Variants in FLRT2 observed in about 807,000 individuals in gnomAD.
FLRT2 encodes the protein fibronectin leucine rich transmembrane protein 2, also known as leucine-rich repeat transmembrane protein FLRT2.
Under a neutral mutation model 40.0 loss-of-function variants are expected in FLRT2, and 15 were observed. That is an observed-to-expected ratio of 0.38 (90% CI 0.25 to 0.58). The LOEUF is 0.58. Among genes scored for constraint, FLRT2 ranks in the 20% least tolerant of loss-of-function variants. The pLI is 0.71. For synonymous variants in FLRT2, 380 were observed against 336.8 expected (o/e 1.13, Z -1.41); for missense variants, 726 against 840.0 (o/e 0.86, Z 1.68).
At chr14:85,548,553 C>T (rs1468621117) in intron 1 of FLRT2, among the ~76,000 whole-genome samples, 2 of 152,294 alleles carry the variant, frequency 1.3e-5, no homozygotes, top group East Asian at 3.9e-4. Context: ...ATTAATTGTG[C>T]TATAGTTTAT....
chr14:85,616,607 C>G (rs1287340844), intron 1 of FLRT2, among the ~76,000 whole-genome samples: 2 of 152,138 alleles, frequency 1.3e-5, no homozygotes, highest in Non-Finnish European at 2.9e-5. Context: ...ACATTTCTTC[C>G]CTGGCTTGGG....
chr14:85,560,545 C>T (rs1223648163), intron 1 of FLRT2, among the ~76,000 whole-genome samples: 1 of 151,910 alleles, frequency 6.6e-6, no homozygotes, highest in African/African-American at 2.4e-5. Context: ...CGCACCACTG[C>T]ACTCCAGCCT....
intron 1 of FLRT2, among the ~76,000 whole-genome samples, chr14:85,594,422 G>T (rs1204737065): frequency 6.6e-6 from 1 of 152,130 alleles, no homozygotes; most frequent in Non-Finnish European, 1.5e-5. Flanking sequence ...TCCCAGAGAT[G>T]TGTGTGTGCC....
intron 1 of FLRT2, among the ~76,000 whole-genome samples, chr14:85,592,737 C>G (rs1282980671): frequency 1.4e-5 from 2 of 138,232 alleles, no homozygotes; most frequent in African/African-American, 5.6e-5. Flanking sequence ...TGCAGCGAGC[C>G]GAGATCGTCC....
At chr14:85,541,201 C>A (rs947770910) in intron 1 of FLRT2, among the ~76,000 whole-genome samples, 1 of 152,076 alleles carries the variant, frequency 6.6e-6, no homozygotes, top group Non-Finnish European at 1.5e-5. Context: ...GTCTGACTGG[C>A]CTGATCTTCA....
intron 1 of FLRT2, among the ~76,000 whole-genome samples, chr14:85,582,111 T>C (rs1293476794): frequency 6.6e-6 from 1 of 152,094 alleles, no homozygotes; most frequent in African/African-American, 2.4e-5. Flanking sequence ...ATATAGGAGG[T>C]TGAATCCATA....
intron 1 of FLRT2, among the ~76,000 whole-genome samples, chr14:85,620,909 G>A (rs1893350974): frequency 6.6e-6 from 1 of 152,176 alleles, no homozygotes; most frequent in African/African-American, 2.4e-5. Context: ...CAATATGATG[G>A]TTGATAGTGA....
chr14:85,652,576 A>C lies in FLRT2; in HGVS notation c.*29079A>C, dbSNP rs546627003. 3 of 152,278 alleles carry C rather than the reference A, an allele frequency of 2.0e-5. No individual in the cohort carries two copies. Among genetic ancestry groups the C allele is most frequent in the South Asian group, 2.1e-4 (1 of 4,832 alleles). 9.4% of individuals were successfully genotyped at this position (152,278 alleles called of 1,614,324 possible). The stretch of plus-strand genomic sequence containing the variant: ...AAGCCTTTGAATAAAATATTATACA[A>C]CTTTAAATAAATTTAAGATGACATT... On this transcript the variant is annotated 3_prime_UTR_variant, in exon 2 of 2. Transcript: ENST00000330753.
At position 85,646,425 on chromosome 14, in the gene FLRT2, A is replaced by G. The variant is rs1485037414; in HGVS notation, c.*22928A>G. ...GCTCACAGACCAAATTAAGATGCTG[A>G]AGTCAGATGACTTATGAATCAATTT... On this transcript the variant is annotated 3_prime_UTR_variant, in exon 2 of 2. Coordinates refer to ENST00000330753, the MANE Select transcript of FLRT2 (RefSeq NM_013231.6). The G allele has an allele frequency of 6.6e-6, 1 of 152,194 alleles. No homozygotes were observed. Among genetic ancestry groups the G allele is most frequent in the Non-Finnish European group, 1.5e-5 (1 of 68,046 alleles). 9.4% of individuals were successfully genotyped at this position (152,194 alleles called of 1,614,324 possible).
chr14:85,639,180 C>A lies in FLRT2; in HGVS notation c.*15683C>A, dbSNP rs1894084490. The A allele has an allele frequency of 6.6e-6, 1 of 152,148 alleles. No homozygotes were observed. The highest frequency in any genetic ancestry group is 2.4e-5 in the African/African-American group (1 of 41,436). 9.4% of individuals were successfully genotyped at this position (152,148 alleles called of 1,614,324 possible). ...ATACCTGCAGGATCCCACAGGTTTT[C>A]TCAGGGATTTGCTGGAAGCTGGGAA... is the stretch of plus-strand genomic sequence containing the variant. On this transcript the variant is annotated 3_prime_UTR_variant, in exon 2 of 2. Transcript: ENST00000330753.
intron 1 of FLRT2, among the ~76,000 whole-genome samples, chr14:85,583,353 C>A (rs994283178): frequency 6.6e-6 from 1 of 152,108 alleles, no homozygotes; most frequent in African/African-American, 2.4e-5. Flanking sequence ...CAGTCTTAAC[C>A]CATTCAGAAG....
At chr14:85,533,900 C>G (rs1403649125) in intron 1 of FLRT2, among the ~76,000 whole-genome samples, 1 of 152,028 alleles carries the variant, frequency 6.6e-6, no homozygotes, top group African/African-American at 2.4e-5. Flanking sequence ...CGCCGCCACC[C>G]GGAGGACCCA....
chr14:85,563,321 T>C (rs535766388), intron 1 of FLRT2, among the ~76,000 whole-genome samples: 2 of 152,300 alleles, frequency 1.3e-5, no homozygotes, highest in South Asian at 2.1e-4. Flanking sequence ...GTCTATGTTG[T>C]TTAACAAATG....
intron 1 of FLRT2, among the ~76,000 whole-genome samples, chr14:85,616,301 C>G (rs1893127900): frequency 7.0e-6 from 1 of 142,454 alleles, no homozygotes; most frequent in Non-Finnish European, 1.5e-5. Flanking sequence ...TTCACACAAA[C>G]AGGGAAATAT....
At position 85,550,876 on chromosome 14, in the gene FLRT2, A is replaced by G. The variant is rs1037044724; in HGVS notation, c.-377+20342A>G. 3.9e-5 allele frequency among the ~76,000 whole-genome samples: 6 copies of G among 152,174 alleles called. No individual in the cohort carries two copies. The South Asian group carries it at 8.3e-4, about 21-fold the overall frequency. ...GGAAAATTGTAGCATTTCCTTTATT[A>G]GCGACCCTTAAAAATAACAAGAATA... On this transcript the variant is annotated intron_variant, in intron 1 of 1. Transcript: ENST00000330753.
chr14:85,552,659 C>T (rs1889706552), intron 1 of FLRT2: 1 of 152,156 alleles, frequency 6.6e-6, no homozygotes, highest in African/African-American at 2.4e-5. Context: ...AAAATGGCCC[C>T]TCTGGGAGCT....
intron 1 of FLRT2, among the ~76,000 whole-genome samples, chr14:85,546,769 C>T (rs1219924906): frequency 6.6e-6 from 1 of 152,176 alleles, no homozygotes; most frequent in African/African-American, 2.4e-5. Flanking sequence ...TGGTGTCCCT[C>T]TTCCTTCCCT....
intron 1 of FLRT2, among the ~76,000 whole-genome samples, chr14:85,542,074 T>G (rs1889015590): frequency 6.6e-6 from 1 of 152,236 alleles, no homozygotes; most frequent in Non-Finnish European, 1.5e-5. Flanking sequence ...TGCTTAAGGC[T>G]TATTCTATCC....
intron 1 of FLRT2, among the ~76,000 whole-genome samples, chr14:85,573,162 G>A (rs1890971978): frequency 6.6e-6 from 1 of 151,978 alleles, no homozygotes; most frequent in South Asian, 2.1e-4. Context: ...TAAATAGAGG[G>A]ATGGGTGGCA....
Sources: gnomAD v4.1 joint callset for allele counts (sites outside exome capture counted in the v4.1 genomes callset) on GRCh38, gnomAD v4.1.1 for gene constraint, MANE v1.5 for transcripts, NCBI Gene and HGNC (gene_info 2026-07-23, HGNC 2026-07-21) for gene names.